Variants in POM121 observed in about 807,000 individuals in gnomAD.
The protein encoded by POM121 is POM121 transmembrane nucleoporin.
POM121 carries 32 observed loss-of-function variants against 81.3 expected under a neutral mutation model. That is an observed-to-expected ratio of 0.39 (90% CI 0.30 to 0.53). The LOEUF is 0.53. Ranked by LOEUF, POM121 falls within the 20% of genes least tolerant of loss-of-function variation. POM121 has a pLI of 0.66. For synonymous variants in POM121, 514 were observed against 694.2 expected (o/e 0.74, Z 4.08); for missense variants, 1,138 against 1,614.6 (o/e 0.70, Z 5.06).
At chr7:72,931,656 C>T (rs1455305680) in intron 5 of POM121, among the ~76,000 whole-genome samples, 3 of 151,876 alleles carry the variant, frequency 2.0e-5, no homozygotes, top group Middle Eastern at 3.4e-3. Context: ...CTGCAATCTC[C>T]GCTTCCTGAG....
chr7:72,888,265 A>G (rs1554490361), intron 1 of POM121, among the ~76,000 whole-genome samples: 1 of 152,146 alleles, frequency 6.6e-6, no homozygotes, highest in African/African-American at 2.4e-5. Flanking sequence ...TAGTTCCAGG[A>G]AAAAGCTTTT....
chr7:72,925,170 A>C lies in POM121; in HGVS notation c.49A>C (p.Ile17Leu). ...AAGAGERRRP[I>L]ASVRDGRGRG... ...TGGAGCAGGCGAGCGGCGGCGGCCC[A>C]TAGCGAGTGTCAGGGACGGCCGGGG... is the stretch of plus-strand genomic sequence containing the variant. The change falls in exon 1 of 13, where the codon ATA becomes CTA. Residue 17 changes from isoleucine (I) to leucine (L), a missense_variant. By Grantham distance (5) the Ile-to-Leu change is conservative (BLOSUM62 2). This residue lies in a region of POM121 where 646 missense variants were observed against 633.5 expected (regional missense o/e 1.02). Coordinates refer to ENST00000434423, the MANE Select transcript of POM121 (RefSeq NM_001387691.1). 2 of 1,503,400 alleles carry C rather than the reference A, an allele frequency of 1.3e-6. No individual in the cohort carries two copies. The highest frequency in any genetic ancestry group is 1.8e-6 in the Non-Finnish European group (2 of 1,134,228). The allele number at this position is 1,503,400 out of a possible 1,614,324, so 93.1% of individuals were successfully genotyped here. A position where few individuals can be genotyped will look rare whatever the true frequency, so the allele number is the denominator to read the frequency against.
upstream of POM121, among the ~76,000 whole-genome samples, chr7:72,923,394 CT>C (rs2129577414): frequency 6.6e-6 from 1 of 152,228 alleles, no homozygotes; most frequent in East Asian, 1.9e-4. Context: ...TCCAGGAGCA[CT>C]TCCCTGTCTA....
intron 3 of POM121, chr7:72,891,194 T>C: frequency 3.4e-6 from 2 of 582,988 alleles, no homozygotes; most frequent in South Asian, 3.7e-5. Flanking sequence ...ATGTATTCGG[T>C]ACCCTCAGTA....
rs1586177570 is a variant in POM121 at position 72,939,513 on chromosome 7, G to A, written c.1441+104G>A. 15 of 1,473,516 alleles carry A rather than the reference G, an allele frequency of 1.0e-5. No homozygotes were observed. In the South Asian group the frequency reaches 2.0e-4, roughly 19 times the overall value. The allele number at this position is 1,473,516 out of a possible 1,614,324, so 91.3% of individuals were successfully genotyped here. A position where few individuals can be genotyped will look rare whatever the true frequency, so the allele number is the denominator to read the frequency against. ...GAAAAAAGGTCTTGAGCATTGCTAT[G>A]TCTAAGGCATGTTAGATACAAAGAG... On this transcript the variant is annotated intron_variant, in intron 7 of 12. Coordinates refer to ENST00000434423, the MANE Select transcript of POM121 (RefSeq NM_001387691.1).
chr7:72,948,777 G>A (rs369217477), downstream of POM121: 11 of 1,579,400 alleles, frequency 7.0e-6, no homozygotes, highest in Middle Eastern at 1.7e-4. Flanking sequence ...CTCAGGCCTC[G>A]GTGGGGCCGG....
At chr7:72,918,946 C>T (rs1167085738) in intron 4 of POM121, among the ~76,000 whole-genome samples, 1 of 152,104 alleles carries the variant, frequency 6.6e-6, no homozygotes, top group Non-Finnish European at 1.5e-5. Context: ...GACAGGCACC[C>T]GCCACCACAC....
At chr7:72,883,563 C>T (rs1429987213) in intron 1 of POM121, among the ~76,000 whole-genome samples, 4 of 152,014 alleles carry the variant, frequency 2.6e-5, no homozygotes, top group Admixed American at 6.6e-5. Flanking sequence ...ATGTCTCCTG[C>T]GTGCTCATTG....
At chr7:72,950,388 G>A, downstream of POM121, 1 of 619,302 alleles carries the variant, frequency 1.6e-6, no homozygotes, top group South Asian at 2.0e-5. Context: ...CCCCTCTACT[G>A]TTTACCAGCA....
Position 72,940,656 on chromosome 7 carries a change from G to C in POM121, c.1666+140G>C. 7.9e-6 allele frequency: 6 copies of C among 755,278 alleles called. No individual in the cohort carries two copies. In the South Asian group the frequency reaches 1.0e-4, roughly 13 times the overall value. 46.8% of individuals were successfully genotyped at this position (755,278 alleles called of 1,614,324 possible). On this transcript the variant is annotated intron_variant, in intron 9 of 12. Coordinates refer to ENST00000434423, the MANE Select transcript of POM121 (RefSeq NM_001387691.1). ...TGTTTTCTTGTGGTCTTTCTCACCT[G>C]AGATATCCGTGTTGGTCTTCACGGG...
At chr7:72,928,518 T>C (rs1404329005) in intron 4 of POM121, 53 bp downstream of exon 4, 1 of 1,576,376 alleles carries the variant, frequency 6.3e-7, no homozygotes, top group Non-Finnish European at 8.7e-7. Context: ...AAAGGCCTGA[T>C]CAGAGCTGTT....
rs541235765 is a variant in POM121, at chr7:72,943,343, C to T, written c.3350C>T (p.Thr1117Ile). 1.1e-5 allele frequency: 17 copies of T among 1,610,972 alleles called. No homozygotes were observed. In the East Asian group the frequency reaches 2.2e-4, roughly 21 times the overall value. ...GSGSFGINVATPGSSTTTGAF... is the reference protein window; with the variant it reads ...GSGSFGINVAIPGSSTTTGAF... The stretch of plus-strand genomic sequence containing the variant: ...GGGAGCTTTGGGATCAATGTGGCCA[C>T]CCCAGGCTCCAGCACCACCACCGGA... The change falls in exon 11 of 13, where the codon ACC becomes ATC. Residue 1117 changes from threonine (T) to isoleucine (I), a missense_variant. By Grantham distance (89) the Thr-to-Ile change is moderately conservative. Coordinates refer to ENST00000434423, the MANE Select transcript of POM121 (RefSeq NM_001387691.1).
At chr7:72,928,497 A>C in intron 4 of POM121, 32 bp downstream of exon 4, 1 of 1,605,098 alleles carries the variant, frequency 6.2e-7, no homozygotes, top group South Asian at 1.1e-5. Context: ...TGAAATACCA[A>C]CTGTTTGGAA....
chr7:72,913,780 G>C (rs1448367590), exon 4 of POM121: 3 of 152,136 alleles, frequency 2.0e-5, no homozygotes, highest in Non-Finnish European at 2.9e-5. Context: ...CACATCCTCA[G>C]CCGAAGATCT....
chr7:72,887,561 T>C (rs1463167442), intron 1 of POM121, among the ~76,000 whole-genome samples: 1 of 152,196 alleles, frequency 6.6e-6, no homozygotes, highest in Non-Finnish European at 1.5e-5. Context: ...TGGTGGCTTA[T>C]ACCTGTAATC....
chr7:72,918,241 G>C (rs1473538587), intron 4 of POM121, among the ~76,000 whole-genome samples: 3 of 151,890 alleles, frequency 2.0e-5, no homozygotes, highest in African/African-American at 7.3e-5. Context: ...AAACTCCCCC[G>C]GGGAAAGGGA....
upstream of POM121, among the ~76,000 whole-genome samples, chr7:72,922,680 T>C (rs550167183): frequency 5.4e-3 from 825 of 152,186 alleles, 9 homozygotes; most frequent in African/African-American, 0.019. Context: ...TAAGCCACCA[T>C]GCCCGGCCCA....
At chr7:72,946,097 G>A in intron 12 of POM121, 40 bp from the exon 13 acceptor site, 1 of 1,605,140 alleles carries the variant, frequency 6.2e-7, no homozygotes, top group East Asian at 2.2e-5. Context: ...AGAGTCTCAG[G>A]TAGCAGCTGC....
upstream of POM121, among the ~76,000 whole-genome samples, chr7:72,923,492 G>C (rs1173331281): frequency 1.3e-4 from 19 of 151,718 alleles, no homozygotes; most frequent in East Asian, 3.7e-3. Context: ...GCACGATCTC[G>C]GCTCACTGCA....
Sources: allele counts gnomAD v4.1 joint callset (sites outside exome capture counted in the v4.1 genomes callset), GRCh38; gene constraint gnomAD v4.1.1; regional missense constraint gnomAD v4.1.1; transcripts MANE v1.5; gene names NCBI Gene and HGNC (gene_info 2026-07-23, HGNC 2026-07-21).